Variants in ITM2B observed in about 807,000 individuals in gnomAD.
ITM2B encodes the protein ABri/ADan amyloid peptide.
A neutral mutation model predicts 27.8 loss-of-function variants in ITM2B; 11 were observed. The ratio of observed to expected loss-of-function variants is 0.40; its 90% CI spans 0.25 to 0.66. The LOEUF (loss-of-function observed/expected upper bound fraction) is 0.66. Ranked by LOEUF, ITM2B falls within the 30% of genes least tolerant of loss-of-function variation. The pLI is 0.43. For synonymous variants in ITM2B, 114 were observed against 114.3 expected, an observed-to-expected ratio of 1.00 and a Z score of 0.02; for missense variants, 296 against 328.9, an observed-to-expected ratio of 0.90 and a Z score of 0.77.
intron 1 of ITM2B, among the ~76,000 whole-genome samples, chr13:48,234,444 C>G (rs1951655336): frequency 6.6e-6 from 1 of 152,042 alleles, no homozygotes; most frequent in Non-Finnish European, 1.5e-5. Flanking sequence ...TGTTGCTTAT[C>G]TTATTTTTTG....
chr13:48,248,898 G>A (rs1593392503), intron 1 of ITM2B, among the ~76,000 whole-genome samples: 1 of 152,216 alleles, frequency 6.6e-6, no homozygotes, highest in East Asian at 1.9e-4. Context: ...TTGAGTGGAA[G>A]TTCCCAAGTT....
intron 1 of ITM2B, among the ~76,000 whole-genome samples, chr13:48,239,460 T>C (rs1450443481): frequency 6.6e-6 from 1 of 152,134 alleles, no homozygotes; most frequent in Non-Finnish European, 1.5e-5. Flanking sequence ...CATAGCAAAA[T>C]TCTGTCTCTA....
chr13:48,261,366 C>G lies in ITM2B; in HGVS notation c.*142C>G, dbSNP rs1313597659. The G allele has an allele frequency of 1.6e-6, 1 of 643,992 alleles. No homozygotes were observed. The highest frequency in any genetic ancestry group is 2.7e-6 in the Non-Finnish European group (1 of 366,014). The allele number at this position is 643,992 out of a possible 1,614,324, so 39.9% of individuals were successfully genotyped here. A position where few individuals can be genotyped will look rare whatever the true frequency, so the allele number is the denominator to read the frequency against. ...TTACTATCTTTTCATCTCATTAATT[C>G]AATTAAAACCATTACCTTAAAATTT... On this transcript the variant is annotated 3_prime_UTR_variant, in exon 6 of 6. Transcript: ENST00000647800.
At chr13:48,250,890 G>C (rs984072724) in intron 1 of ITM2B, among the ~76,000 whole-genome samples, 1 of 152,162 alleles carries the variant, frequency 6.6e-6, no homozygotes, top group Non-Finnish European at 1.5e-5. Flanking sequence ...TGGTGCATAG[G>C]TTTGGGGTCT....
chr13:48,264,973 A>G lies in ITM2B; in HGVS notation c.*3749A>G, dbSNP rs1480897309. ...ATGGGTTGTAGATTCCACACTTTTA[A>G]TCTTCCAGCCACCTATTGCAGATTG... On this transcript the variant is annotated 3_prime_UTR_variant, in exon 6 of 6. Transcript: ENST00000647800. The G allele has an allele frequency of 2.6e-5, 4 of 152,062 alleles. No individual in the cohort carries two copies. The highest frequency in any genetic ancestry group is 4.4e-5 in the Non-Finnish European group (3 of 68,002). The allele number at this position is 152,062 out of a possible 1,614,324, so 9.4% of individuals were successfully genotyped here. A position where few individuals can be genotyped will look rare whatever the true frequency, so the allele number is the denominator to read the frequency against.
intron 1 of ITM2B, among the ~76,000 whole-genome samples, chr13:48,243,433 T>G (rs1022903207): frequency 1.8e-4 from 28 of 152,226 alleles, no homozygotes; most frequent in Admixed American, 1.1e-3. Context: ...CCTATTAATT[T>G]TGACAACATA....
rs1424269428 is a variant in ITM2B at position 48,263,483 on chromosome 13, GAGA to G, written c.*2263_*2265del. On this transcript the variant is annotated 3_prime_UTR_variant, in exon 6 of 6. Transcript: ENST00000647800. ...AAACCAGAGGGTGAGGGATGTGGAT[GAGA>G]AGATGACAGAGAATCAGACATGCAG... The G allele has an allele frequency of 6.6e-6, 1 of 152,286 alleles. No homozygotes were observed. Among genetic ancestry groups the G allele is most frequent in the African/African-American group, 2.4e-5 (1 of 41,440 alleles). The allele number at this position is 152,286 out of a possible 1,614,324, so 9.4% of individuals were successfully genotyped here.
Position 48,256,236 on chromosome 13 carries a change from G to A in ITM2B, c.306G>A (p.Glu102=). ...KYIKDDVILN[E]PSADAPAALY... ...TCAAAGATGATGTCATCTTAAATGA[G>A]CCCTCTGCAGATGCCCCAGCTGCTC... The change falls in exon 3 of 6, where the codon GAG becomes GAA. Residue 102 remains glutamate (E), a synonymous_variant. Transcript: ENST00000647800. 6.2e-7 allele frequency: 1 copy of A among 1,613,638 alleles called. No homozygotes were observed. Among genetic ancestry groups the A allele is most frequent in the Non-Finnish European group, 8.5e-7 (1 of 1,179,622 alleles).
chr13:48,236,019 CA>C (rs1951666348), intron 1 of ITM2B, among the ~76,000 whole-genome samples: 1 of 152,138 alleles, frequency 6.6e-6, no homozygotes, highest in Admixed American at 6.5e-5. Context: ...TTTTCTTCTG[CA>C]GGGTGAGAAC....
At position 48,263,286 on chromosome 13, in the gene ITM2B, T is replaced by C. The variant is rs767953721; in HGVS notation, c.*2062T>C. ...CCAGTACTATTCTGATAATTTCCTT[T>C]AGAGTCAATTGAGTAGAGAGTACCC... On this transcript the variant is annotated 3_prime_UTR_variant, in exon 6 of 6. Coordinates refer to ENST00000647800, the MANE Select transcript of ITM2B (RefSeq NM_021999.5). 1.9e-4 allele frequency: 29 copies of C among 152,140 alleles called. No homozygotes were observed. The highest frequency in any genetic ancestry group is 4.0e-4 in the Non-Finnish European group (27 of 68,004). 9.4% of individuals were successfully genotyped at this position (152,140 alleles called of 1,614,324 possible).
chr13:48,249,895 G>A (rs1411049425), intron 1 of ITM2B, among the ~76,000 whole-genome samples: 1 of 151,802 alleles, frequency 6.6e-6, no homozygotes, highest in Non-Finnish European at 1.5e-5. Context: ...ATCTCACGTG[G>A]CTTTTTCTTT....
intron 1 of ITM2B, among the ~76,000 whole-genome samples, chr13:48,246,987 C>T (rs1238016672): frequency 6.6e-6 from 1 of 152,112 alleles, no homozygotes; most frequent in Non-Finnish European, 1.5e-5. Flanking sequence ...AGCCACCACA[C>T]CCAGCTAATT....
intron 1 of ITM2B, among the ~76,000 whole-genome samples, chr13:48,236,194 G>A (rs2137976950): frequency 6.6e-6 from 1 of 152,208 alleles, no homozygotes; most frequent in Non-Finnish European, 1.5e-5. Context: ...CTCCTAGTAG[G>A]CATAAAGCTC....
rs1434730125 is a variant in ITM2B at position 48,265,677 on chromosome 13, A to G, written c.*4453A>G. 2.0e-5 allele frequency: 3 copies of G among 152,572 alleles called. No homozygotes were observed. 9.5% of individuals were successfully genotyped at this position (152,572 alleles called of 1,614,324 possible). A position where few individuals can be genotyped will look rare whatever the true frequency, so the allele number is the denominator to read the frequency against. ...CCCTCTTTGCTCCTAGTGTCCTACC[A>G]CATTGCCTGACTTACTGTTTCTTGG... On this transcript the variant is annotated 3_prime_UTR_variant, in exon 6 of 6. Transcript: ENST00000647800.
intron 1 of ITM2B, among the ~76,000 whole-genome samples, chr13:48,241,998 T>C (rs1025383985): frequency 6.6e-6 from 1 of 152,082 alleles, no homozygotes; most frequent in African/African-American, 2.4e-5. Flanking sequence ...TGTTTCATGG[T>C]TTGTTTTCAT....
intron 1 of ITM2B, among the ~76,000 whole-genome samples, chr13:48,250,854 C>T (rs536073201): frequency 2.1e-4 from 32 of 152,286 alleles, no homozygotes; most frequent in Admixed American, 7.8e-4. Context: ...GAAGATTAAA[C>T]AGCTCTTCTA....
In ITM2B at chr13:48,265,043, T is replaced by C. The variant is rs957812173; in HGVS notation, c.*3819T>C. The stretch of plus-strand genomic sequence containing the variant: ...GTGGGAGTGGGCTTAGGGGTCAAAA[T>C]TGAGACCTAAGTGGTATAAAACAAG... On this transcript the variant is annotated 3_prime_UTR_variant, in exon 6 of 6. Coordinates refer to ENST00000647800, the MANE Select transcript of ITM2B (RefSeq NM_021999.5). The C allele has an allele frequency of 2.6e-5, 4 of 152,234 alleles. No individual in the cohort carries two copies. Among genetic ancestry groups the C allele is most frequent in the African/African-American group, 9.6e-5 (4 of 41,546 alleles). The allele number at this position is 152,234 out of a possible 1,614,324, so 9.4% of individuals were successfully genotyped here.
At chr13:48,252,220 A>C (rs1393319330) in intron 1 of ITM2B, among the ~76,000 whole-genome samples, 4 of 152,208 alleles carry the variant, frequency 2.6e-5, no homozygotes, top group Admixed American at 6.5e-5. Flanking sequence ...GTATCATGTT[A>C]AAGTTCCTCA....
chr13:48,253,679 A>G, intron 1 of ITM2B, 129 bp from the exon 2 acceptor site: 1 of 928,822 alleles, frequency 1.1e-6, no homozygotes. Context: ...GATTTTGATG[A>G]GAGACACAAC....
Sources: gnomAD v4.1 joint callset for allele counts (sites outside exome capture counted in the v4.1 genomes callset) on GRCh38, gnomAD v4.1.1 for gene constraint, MANE v1.5 for transcripts, NCBI Gene and HGNC (gene_info 2026-07-23, HGNC 2026-07-21) for gene names.